The following RPL35 variants were observed in gnomAD, a reference collection of about 807,000 sequenced individuals.
RPL35 encodes the protein large ribosomal subunit protein uL29.
Under a neutral mutation model 15.6 loss-of-function variants are expected in RPL35, and 2 were observed. The ratio of observed to expected loss-of-function variants is 0.13; its 90% CI spans 0.05 to 0.40. The LOEUF is 0.40. RPL35 is among the 10% of genes least tolerant of loss of function. The pLI, the probability that RPL35 is intolerant of heterozygous loss-of-function variation, is 0.99. For synonymous variants in RPL35, 93 were observed against 67.9 expected, an observed-to-expected ratio of 1.37 and a Z score of -1.82; for missense variants, 111 against 164.7, an observed-to-expected ratio of 0.67 and a Z score of 1.79.
chr9:124,860,924 T>C, intron 2 of RPL35: 1 of 159,196 alleles, frequency 6.3e-6, no homozygotes, highest in Admixed American at 6.1e-5. Flanking sequence ...TCCCAACTCC[T>C]GGGCTCAAGT....
At chr9:124,861,225 C>T in intron 2 of RPL35, 194 bp downstream of exon 2, 1 of 657,144 alleles carries the variant, frequency 1.5e-6, no homozygotes, top group Non-Finnish European at 2.6e-6. Context: ...TCCGGGGATG[C>T]ATTCCAGGCA....
intron 2 of RPL35, 131 bp from the exon 3 acceptor site, chr9:124,860,395 G>A (rs903099152): frequency 1.2e-5 from 9 of 754,908 alleles, no homozygotes; most frequent in East Asian, 5.1e-5. Context: ...GGAGGAAGGC[G>A]TTCTGGGAGT....
chr9:124,861,113 G>T (rs1829190144), intron 2 of RPL35: 1 of 363,190 alleles, frequency 2.8e-6, no homozygotes, highest in Non-Finnish European at 5.1e-6. Flanking sequence ...CCACTCCAGG[G>T]TGCAAGCCAC....
At chr9:124,860,162 C>A in intron 3 of RPL35, 21 bp downstream of exon 3, 1 of 1,592,744 alleles carries the variant, frequency 6.3e-7, no homozygotes, top group Non-Finnish European at 8.6e-7. Context: ...GCCAACCCTC[C>A]CTATGTCCAG....
chr9:124,860,266 TAC>T lies in RPL35; in HGVS notation c.141-4_141-3del, dbSNP rs1468442600. 6.2e-7 allele frequency: 1 copy of T among 1,612,710 alleles called. No individual in the cohort carries two copies. ...GCAATGGATTTCCGGACGACTCGGC[TAC>T]AAAACAGAGATGTCAGTGAAGATAG... On this transcript the variant is annotated splice_region_variant and splice_polypyrimidine_tract_variant and intron_variant, in intron 2 of 3. Coordinates refer to ENST00000348462, the MANE Select transcript of RPL35 (RefSeq NM_007209.4).
At chr9:124,860,090 C>T in intron 3 of RPL35, 93 bp downstream of exon 3, 1 of 913,898 alleles carries the variant, frequency 1.1e-6, no homozygotes, top group African/African-American at 1.6e-5. Flanking sequence ...TCAGCCCACG[C>T]ACCAAGAAAA....
rs781552059 is a variant in RPL35, at chr9:124,857,910, T to C, written c.*8A>G. On this transcript the variant is annotated 3_prime_UTR_variant, in exon 4 of 4. Coordinates refer to ENST00000348462, the MANE Select transcript of RPL35 (RefSeq NM_007209.4). ...TCAGCCAGCTGTGCTTTATTGACAA[T>C]GCGCCCCTCAGGCCTTGACCGCGTA... 32 of 1,611,672 alleles carry C rather than the reference T, an allele frequency of 2.0e-5. No individual in the cohort carries two copies. The highest frequency in any genetic ancestry group is 1.7e-4 in the Admixed American group (10 of 59,988).
intron 3 of RPL35, among the ~76,000 whole-genome samples, chr9:124,859,051 C>A (rs1829155936): frequency 6.6e-6 from 1 of 152,204 alleles, no homozygotes; most frequent in Non-Finnish European, 1.5e-5. Flanking sequence ...ATTGGCTAAC[C>A]CCCTAGAGTT....
At chr9:124,861,250 T>G (rs1829192387) in intron 2 of RPL35, 169 bp downstream of exon 2, 1 of 825,510 alleles carries the variant, frequency 1.2e-6, no homozygotes, top group Non-Finnish European at 1.9e-6. Flanking sequence ...GACCGCAAGG[T>G]CAAGGCAGGT....
chr9:124,860,329 A>T, intron 2 of RPL35, 65 bp from the exon 3 acceptor site: 1 of 1,323,360 alleles, frequency 7.6e-7, no homozygotes. Flanking sequence ...CTCAGGACTC[A>T]CACATAGGGC....
At chr9:124,858,598 C>T (rs1003741077) in intron 3 of RPL35, 15 of 688,130 alleles carry the variant, frequency 2.2e-5, no homozygotes, top group African/African-American at 1.2e-4. Flanking sequence ...CACCTGCTTC[C>T]GGCTTTGGGG....
At chr9:124,861,675 C>A in intron 1 of RPL35, 120 bp from the exon 2 acceptor site, 1 of 1,451,448 alleles carries the variant, frequency 6.9e-7, no homozygotes, top group South Asian at 1.3e-5. Context: ...GAGCCCCAAC[C>A]AGGGCTCAGG....
rs1034198757 is a variant in RPL35 at position 124,859,256 on chromosome 9, C to T, written c.222+927G>A. On this transcript the variant is annotated intron_variant, in intron 3 of 3. Coordinates refer to ENST00000348462, the MANE Select transcript of RPL35 (RefSeq NM_007209.4). Reference sequence around the variant, plus strand: ...TCCTGGGCTCAAGCCATCCTCCTGCCTCGGCCTCCCAGTAGCTGGGGTTAT... The same window carrying T: ...TCCTGGGCTCAAGCCATCCTCCTGCTTCGGCCTCCCAGTAGCTGGGGTTAT... Among the ~76,000 whole-genome samples, 11 of 152,388 alleles carry T rather than the reference C, an allele frequency of 7.2e-5. No individual in the cohort carries two copies. In the East Asian group the frequency reaches 1.7e-3, roughly 24 times the overall value.
intron 3 of RPL35, 89 bp from the exon 4 acceptor site, chr9:124,858,156 C>G: frequency 7.2e-7 from 1 of 1,397,080 alleles, no homozygotes; most frequent in Admixed American, 2.1e-5. Flanking sequence ...CCATCCAGAG[C>G]CACTCAGGAG....
chr9:124,859,750 G>C (rs1164271064), intron 3 of RPL35, among the ~76,000 whole-genome samples: 3 of 152,310 alleles, frequency 2.0e-5, no homozygotes, highest in South Asian at 4.1e-4. Context: ...CCAAGGTAAG[G>C]TTTGGAACCA....
chr9:124,859,888 C>T (rs979223074), intron 3 of RPL35, among the ~76,000 whole-genome samples: 4 of 152,152 alleles, frequency 2.6e-5, no homozygotes, highest in Admixed American at 1.3e-4. Context: ...CTTCAACAGC[C>T]AGTCCTATCA....
At chr9:124,860,626 G>A (rs540723156) in intron 2 of RPL35, among the ~76,000 whole-genome samples, 43 of 152,228 alleles carry the variant, frequency 2.8e-4, no homozygotes, top group Non-Finnish European at 5.7e-4. Flanking sequence ...CTGCAGGAGA[G>A]AGAAACAAGA....
intron 1 of RPL35, 23 bp downstream of exon 1, chr9:124,861,887 G>T (rs1187219152): frequency 6.2e-7 from 1 of 1,602,910 alleles, no homozygotes; most frequent in Non-Finnish European, 8.5e-7. Context: ...CGCTCGGATG[G>T]CGCCCGATTC....
intron 3 of RPL35, among the ~76,000 whole-genome samples, chr9:124,858,955 C>G (rs955054431): frequency 1.4e-4 from 21 of 152,338 alleles, no homozygotes; most frequent in Admixed American, 3.9e-4. Flanking sequence ...AGGGCCAGCC[C>G]TGGAGGGTAC....
Sources: gnomAD v4.1 joint callset for allele counts (sites outside exome capture counted in the v4.1 genomes callset) on GRCh38, gnomAD v4.1.1 for gene constraint, MANE v1.5 for transcripts, NCBI Gene and HGNC (gene_info 2026-07-23, HGNC 2026-07-21) for gene names.